ESCO1: variants seen among roughly 807,000 people sequenced by gnomAD.
ESCO1 encodes N-acetyltransferase ESCO1.
Under a neutral mutation model 83.5 loss-of-function variants are expected in ESCO1, and 33 were observed. That is an observed-to-expected ratio of 0.40 (90% CI 0.30 to 0.53). ESCO1 has a LOEUF of 0.53. ESCO1 is among the 20% of genes least tolerant of loss of function. The probability of loss-of-function intolerance (pLI) is 0.63; values close to 1 mark genes in which losing one functional copy is unlikely to be tolerated. For missense variants in ESCO1, 855 were observed against 968.0 expected, an observed-to-expected ratio of 0.88 and a Z score of 1.55; for synonymous variants, 332 against 324.3, an observed-to-expected ratio of 1.02 and a Z score of -0.25.
chr18:21,548,628 T>C (rs1459634039), intron 8 of ESCO1, among the ~76,000 whole-genome samples: 1 of 151,212 alleles, frequency 6.6e-6, no homozygotes, highest in Non-Finnish European at 1.5e-5. Flanking sequence ...GCAATATCCA[T>C]CTCAAAAAAA....
chr18:21,560,746 T>G (rs1334034021), intron 8 of ESCO1, 113 bp downstream of exon 8: 2 of 1,312,862 alleles, frequency 1.5e-6, no homozygotes, highest in East Asian at 5.0e-5. Context: ...GTACATATTA[T>G]TATCTCTTAA....
At chr18:21,544,436 G>A (rs983842227) in intron 8 of ESCO1, among the ~76,000 whole-genome samples, 6 of 148,312 alleles carry the variant, frequency 4.0e-5, no homozygotes, top group South Asian at 4.3e-4. Flanking sequence ...GTGAAACCTC[G>A]TTTCTACTAA....
intron 8 of ESCO1, among the ~76,000 whole-genome samples, chr18:21,557,150 T>G (rs1463616911): frequency 5.9e-5 from 9 of 152,246 alleles, no homozygotes; most frequent in Admixed American, 5.9e-4. Context: ...ATCAAAATAT[T>G]GTTTTAATGT....
intron 1 of ESCO1, among the ~76,000 whole-genome samples, chr18:21,596,326 A>G (rs998493789): frequency 2.6e-5 from 4 of 152,150 alleles, no homozygotes; most frequent in African/African-American, 7.2e-5. Context: ...CCTAAGACCA[A>G]AAAGTTTGAG....
At chr18:21,593,053 C>T (rs1389927266) in intron 1 of ESCO1, 1 of 160,628 alleles carries the variant, frequency 6.2e-6, no homozygotes, top group Non-Finnish European at 1.4e-5. Context: ...AAGAGGCGCT[C>T]CTCACTTCCT....
At chr18:21,595,221 C>T (rs2038745121) in intron 1 of ESCO1, among the ~76,000 whole-genome samples, 1 of 151,804 alleles carries the variant, frequency 6.6e-6, no homozygotes. Context: ...CCTCAAATAG[C>T]TTATGGAGAA....
intron 5 of ESCO1, among the ~76,000 whole-genome samples, chr18:21,566,769 A>G (rs1224207708): frequency 6.6e-6 from 1 of 151,878 alleles, no homozygotes; most frequent in Non-Finnish European, 1.5e-5. Context: ...CTGAGGCAGG[A>G]GAACTGCTCG....
intron 2 of ESCO1, among the ~76,000 whole-genome samples, chr18:21,581,607 T>C (rs1470595441): frequency 6.6e-6 from 1 of 151,590 alleles, no homozygotes; most frequent in Non-Finnish European, 1.5e-5. Flanking sequence ...CAAGACTCCA[T>C]CTCAAAAAAC....
intron 1 of ESCO1, chr18:21,593,597 T>TAGGGACAGGGAGAGGGAG (rs2038715577): frequency 2.3e-5 from 1 of 44,078 alleles, no homozygotes; most frequent in Non-Finnish European, 5.6e-5. Context: ...AGGGAGACCG[T>TAGGGACAGGGAGAGGGAG]AGGGAGAGGG....
intron 2 of ESCO1, among the ~76,000 whole-genome samples, chr18:21,577,546 G>C (rs2038436452): frequency 6.6e-6 from 1 of 151,388 alleles, no homozygotes. Context: ...TGTAGTACCA[G>C]CTACTGGGGA....
At chr18:21,543,385 C>T (rs951323538) in intron 8 of ESCO1, among the ~76,000 whole-genome samples, 8 of 152,032 alleles carry the variant, frequency 5.3e-5, no homozygotes, top group Non-Finnish European at 8.8e-5. Flanking sequence ...TTCGAACTCC[C>T]GACCTCAGGT....
chr18:21,589,132 A>T (rs2038624440), intron 1 of ESCO1, among the ~76,000 whole-genome samples: 1 of 151,844 alleles, frequency 6.6e-6, no homozygotes, highest in East Asian at 1.9e-4. Context: ...CCAGCTACTC[A>T]GGAGGCTGGG....
At chr18:21,563,535 A>G (rs781256922) in intron 7 of ESCO1, among the ~76,000 whole-genome samples, 9 of 151,930 alleles carry the variant, frequency 5.9e-5, no homozygotes, top group Non-Finnish European at 1.2e-4. Flanking sequence ...TTTAGTAGAG[A>G]CAGGATTTCA....
intron 9 of ESCO1, among the ~76,000 whole-genome samples, chr18:21,537,569 C>T (rs1162772358): frequency 1.3e-5 from 2 of 152,098 alleles, no homozygotes; most frequent in African/African-American, 4.8e-5. Flanking sequence ...AAAATAGAGT[C>T]CAATAACACT....
At chr18:21,561,332 G>C (rs1033545177) in intron 7 of ESCO1, among the ~76,000 whole-genome samples, 4 of 152,204 alleles carry the variant, frequency 2.6e-5, no homozygotes, top group Non-Finnish European at 1.5e-5. Context: ...TACTACTAGT[G>C]TGTAGAGGAA....
chr18:21,540,137 T>A, intron 8 of ESCO1, 128 bp from the exon 9 acceptor site: 1 of 812,934 alleles, frequency 1.2e-6, no homozygotes, highest in Non-Finnish European at 1.9e-6. Flanking sequence ...ATGAAAAATA[T>A]ATGCTCATTA....
chr18:21,591,791 G>C (rs1006854773), intron 1 of ESCO1, among the ~76,000 whole-genome samples: 1 of 151,940 alleles, frequency 6.6e-6, no homozygotes, highest in African/African-American at 2.4e-5. Context: ...AAGGTCTCTG[G>C]TTTTCCTAGG....
In ESCO1 at chr18:21,574,914, G is replaced by A. The variant is rs1365657590; in HGVS notation, c.-71C>T. 3.4e-6 allele frequency: 4 copies of A among 1,177,328 alleles called. No homozygotes were observed. In the Admixed American group the frequency reaches 8.4e-5, roughly 25 times the overall value. 72.9% of individuals were successfully genotyped at this position (1,177,328 alleles called of 1,614,324 possible). A position where few individuals can be genotyped will look rare whatever the true frequency, so the allele number is the denominator to read the frequency against. On this transcript the variant is annotated 5_prime_UTR_variant, in exon 4 of 12. Coordinates refer to ENST00000269214, the MANE Select transcript of ESCO1 (RefSeq NM_052911.3). The stretch of plus-strand genomic sequence containing the variant: ...TTGTGTCCTGGTAGGCGTGAATGCT[G>A]ACTAGCTAGTATTATTACTGAGGAG...
At chr18:21,589,206 T>C (rs1251012827) in intron 1 of ESCO1, among the ~76,000 whole-genome samples, 2 of 148,672 alleles carry the variant, frequency 1.3e-5, no homozygotes, top group Non-Finnish European at 3.0e-5. Context: ...ACCACTGCAC[T>C]CCAGCCTGGG....
Sources: allele counts gnomAD v4.1 joint callset (sites outside exome capture counted in the v4.1 genomes callset), GRCh38; gene constraint gnomAD v4.1.1; transcripts MANE v1.5; gene names NCBI Gene and HGNC (gene_info 2026-07-23, HGNC 2026-07-21).